MAST2: variants seen among roughly 807,000 people sequenced by gnomAD.
The protein encoded by MAST2 is microtubule-associated serine/threonine-protein kinase 2.
A neutral mutation model predicts 147.4 loss-of-function variants in MAST2; 70 were observed. That is an observed-to-expected ratio of 0.47 (90% confidence interval 0.39 to 0.58). MAST2 has a LOEUF of 0.58. MAST2 is among the 20% of genes least tolerant of loss of function. The probability of loss-of-function intolerance (pLI) is 0.00; values close to 1 mark genes in which losing one functional copy is unlikely to be tolerated. For synonymous variants in MAST2, 869 were observed against 896.8 expected (o/e 0.97, Z 0.55); for missense variants, 2,080 against 2,302.3 (o/e 0.90, Z 1.98).
intron 4 of MAST2, among the ~76,000 whole-genome samples, chr1:45,950,634 C>G (rs1570893879): frequency 6.6e-6 from 1 of 152,128 alleles, no homozygotes; most frequent in Non-Finnish European, 1.5e-5. Context: ...CTTAACACTT[C>G]TATTAAGTGA....
Position 46,023,564 on chromosome 1 carries a change from C to T in MAST2, c.1572-208C>T. ...CTCCATTCCCTGAGCTCTGGGGAAG[C>T]ATTGAGCCGTGTCATCAGGACATGG... On this transcript the variant is annotated intron_variant, in intron 14 of 28. Transcript: ENST00000361297. The surrounding 1 kb of genome is among the most constrained non-coding windows in gnomAD (Gnocchi z 4.9). The T allele has an allele frequency of 1.6e-6, 1 of 622,618 alleles. No homozygotes were observed. The highest frequency in any genetic ancestry group is 2.8e-6 in the Non-Finnish European group (1 of 352,484). 38.6% of individuals were successfully genotyped at this position (622,618 alleles called of 1,614,324 possible). A position where few individuals can be genotyped will look rare whatever the true frequency, so the allele number is the denominator to read the frequency against.
At chr1:45,885,900 A>G (rs759521692) in intron 4 of MAST2, among the ~76,000 whole-genome samples, 2 of 152,180 alleles carry the variant, frequency 1.3e-5, no homozygotes, top group Admixed American at 6.5e-5. Flanking sequence ...ATGAAGAAAA[A>G]TAAAGCCAGA....
intron 3 of MAST2, among the ~76,000 whole-genome samples, chr1:45,837,831 T>C (rs548035116): frequency 1.9e-4 from 29 of 152,330 alleles, no homozygotes; most frequent in African/African-American, 7.0e-4. Context: ...CAGGCTAAAG[T>C]GCCGTGGCAC....
chr1:46,010,639 C>A, intron 9 of MAST2, 91 bp from the exon 10 acceptor site: 1 of 1,056,858 alleles, frequency 9.5e-7, no homozygotes, highest in Non-Finnish European at 1.4e-6. Flanking sequence ...CAGAGGGAGC[C>A]CATTATTTTG....
At chr1:45,985,067 C>G (rs1644558814) in intron 5 of MAST2, among the ~76,000 whole-genome samples, 1 of 151,856 alleles carries the variant, frequency 6.6e-6, no homozygotes, top group Non-Finnish European at 1.5e-5. Context: ...ATAAATTTCT[C>G]TTTTTTTGAG....
intron 3 of MAST2, among the ~76,000 whole-genome samples, chr1:45,862,277 G>A (rs1423336785): frequency 1.3e-5 from 2 of 152,166 alleles, no homozygotes; most frequent in African/African-American, 2.4e-5. Flanking sequence ...TTATAAGGTA[G>A]ATGGTTGTAT....
chr1:46,034,065 C>T lies in MAST2; in HGVS notation c.3675-8C>T. The T allele has an allele frequency of 6.2e-7, 1 of 1,611,520 alleles. No individual in the cohort carries two copies. On this transcript the variant is annotated splice_polypyrimidine_tract_variant and splice_region_variant and intron_variant, in intron 27 of 28. Coordinates refer to ENST00000361297, the MANE Select transcript of MAST2 (RefSeq NM_015112.3). ...CACCGACTCAGCCTTTGACCCTTATCCCCGCAGCAGAAAAAGGAGCTCCCT... is the reference window on the plus strand; with the variant it reads ...CACCGACTCAGCCTTTGACCCTTATTCCCGCAGCAGAAAAAGGAGCTCCCT...
At position 46,023,054 on chromosome 1, in the gene MAST2, C is replaced by A. The variant is rs1646255690; in HGVS notation, c.1485+83C>A. ...CTATGAATTCTCTTTAAGAGAATAT[C>A]TGAGGAAGGGATGGGGGAGTTGGTG... On this transcript the variant is annotated intron_variant, in intron 13 of 28. Coordinates refer to ENST00000361297, the MANE Select transcript of MAST2 (RefSeq NM_015112.3). The surrounding 1 kb of genome is among the most constrained non-coding windows in gnomAD (Gnocchi z 4.9). 1 of 1,383,022 alleles carries A rather than the reference C, an allele frequency of 7.2e-7. No individual in the cohort carries two copies. Among genetic ancestry groups the A allele is most frequent in the Non-Finnish European group, 1.0e-6 (1 of 975,276 alleles). 85.7% of individuals were successfully genotyped at this position (1,383,022 alleles called of 1,614,324 possible).
At chr1:45,995,494 C>T (rs547925137) in intron 5 of MAST2, among the ~76,000 whole-genome samples, 8 of 152,304 alleles carry the variant, frequency 5.3e-5, no homozygotes, top group South Asian at 4.1e-4. Flanking sequence ...GATGAGTAGA[C>T]GAGTTTATTC....
chr1:46,014,795 G>C (rs1254309507), intron 10 of MAST2, among the ~76,000 whole-genome samples: 1 of 152,110 alleles, frequency 6.6e-6, no homozygotes, highest in African/African-American at 2.4e-5. Flanking sequence ...GGATACCCAG[G>C]AATTGAACTC....
intron 2 of MAST2, among the ~76,000 whole-genome samples, chr1:45,825,620 A>T (rs1246524893): frequency 6.6e-6 from 1 of 150,908 alleles, no homozygotes; most frequent in Non-Finnish European, 1.5e-5. Flanking sequence ...TTTGGTAGAG[A>T]CAGGGTTTCA....
intron 5 of MAST2, among the ~76,000 whole-genome samples, chr1:45,986,211 G>T (rs1476690821): frequency 1.3e-5 from 2 of 152,240 alleles, no homozygotes; most frequent in East Asian, 3.9e-4. Context: ...CCTATTCCTA[G>T]TTTGCTAAAA....
intron 1 of MAST2, among the ~76,000 whole-genome samples, chr1:45,808,379 T>G (rs1237635931): frequency 6.6e-6 from 1 of 152,120 alleles, no homozygotes; most frequent in Non-Finnish European, 1.5e-5. Context: ...CTGGCTAATT[T>G]TTTGTATTTA....
At chr1:45,817,808 G>A (rs1056564007) in intron 1 of MAST2, among the ~76,000 whole-genome samples, 1 of 152,200 alleles carries the variant, frequency 6.6e-6, no homozygotes, top group Admixed American at 6.5e-5. Flanking sequence ...AAAAGTAATT[G>A]TGGTTTTGGA....
intron 4 of MAST2, chr1:45,913,854 C>CTG: frequency 8.1e-7 from 1 of 1,237,952 alleles, no homozygotes; most frequent in African/African-American, 1.6e-5. Flanking sequence ...GCAAGAGAGA[C>CTG]TGGGAGCACC....
chr1:45,906,890 A>G (rs1210970788), intron 4 of MAST2, among the ~76,000 whole-genome samples: 1 of 117,820 alleles, frequency 8.5e-6, no homozygotes, highest in Non-Finnish European at 1.8e-5. Context: ...TACCATTTCT[A>G]TCTTTTACAT....
intron 3 of MAST2, among the ~76,000 whole-genome samples, chr1:45,841,897 G>C (rs1395457876): frequency 6.6e-6 from 1 of 152,162 alleles, no homozygotes; most frequent in African/African-American, 2.4e-5. Context: ...CTTGATGTTA[G>C]CAAGGGTTGC....
At chr1:45,897,412 C>A (rs969506630) in intron 4 of MAST2, among the ~76,000 whole-genome samples, 1 of 152,206 alleles carries the variant, frequency 6.6e-6, no homozygotes, top group African/African-American at 2.4e-5. Flanking sequence ...TCTTAGAAAT[C>A]ATCTCTGATG....
At chr1:45,904,159 C>G (rs1650261721) in intron 4 of MAST2, among the ~76,000 whole-genome samples, 1 of 150,316 alleles carries the variant, frequency 6.7e-6, no homozygotes, top group African/African-American at 2.4e-5. Flanking sequence ...TGCCACTGCA[C>G]CCAGCTAATT....
Sources: gnomAD v4.1 joint callset for allele counts (sites outside exome capture counted in the v4.1 genomes callset) on GRCh38, gnomAD v4.1.1 for gene constraint, Gnocchi (gnomAD v3.1) non-coding constraint, MANE v1.5 for transcripts, NCBI Gene and HGNC (gene_info 2026-07-23, HGNC 2026-07-21) for gene names.